Variants in MAP3K9 observed in about 807,000 individuals in gnomAD.
MAP3K9 encodes mitogen-activated protein kinase kinase kinase 9.
MAP3K9 carries 46 observed loss-of-function variants against 95.8 expected under a neutral mutation model. The ratio of observed to expected loss-of-function variants is 0.48; its 90% confidence interval spans 0.38 to 0.61. The LOEUF is 0.61. Among genes scored for constraint, MAP3K9 ranks in the 20% least tolerant of loss-of-function variants. The probability of loss-of-function intolerance (pLI) is 0.00; values close to 1 mark genes in which losing one functional copy is unlikely to be tolerated. For missense variants in MAP3K9, 1,296 were observed against 1,474.3 expected, an observed-to-expected ratio of 0.88 and a Z score of 1.98; for synonymous variants, 533 against 593.8, an observed-to-expected ratio of 0.90 and a Z score of 1.49.
intron 2 of MAP3K9, among the ~76,000 whole-genome samples, chr14:70,786,441 A>C (rs550799146): frequency 6.6e-6 from 1 of 152,156 alleles, no homozygotes; most frequent in South Asian, 2.1e-4. Context: ...TTTCTTCCTA[A>C]AAATTGTACC....
At chr14:70,740,503 A>C (rs1355058631) in intron 6 of MAP3K9, among the ~76,000 whole-genome samples, 1 of 152,248 alleles carries the variant, frequency 6.6e-6, no homozygotes, top group African/African-American at 2.4e-5. Flanking sequence ...AATTTAACTT[A>C]AAATTATTGG....
intron 1 of MAP3K9, among the ~76,000 whole-genome samples, chr14:70,803,794 T>C (rs2054960329): frequency 6.6e-6 from 1 of 152,216 alleles, no homozygotes; most frequent in Admixed American, 6.5e-5. Flanking sequence ...GGCAGAACAT[T>C]GTAGACTAGC....
intron 3 of MAP3K9, among the ~76,000 whole-genome samples, chr14:70,757,280 T>C (rs1415940520): frequency 6.6e-6 from 1 of 152,016 alleles, no homozygotes; most frequent in African/African-American, 2.4e-5. Context: ...AAGACTAGCC[T>C]GGGCAACATG....
intron 4 of MAP3K9, 118 bp downstream of exon 4, chr14:70,749,815 G>A: frequency 7.9e-7 from 1 of 1,258,092 alleles, no homozygotes; most frequent in East Asian, 2.3e-5. Flanking sequence ...TTCCTCCTTA[G>A]GTGACTGAAA....
rs760285196 is a variant in MAP3K9, at chr14:70,732,710, G to T, written c.2659C>A (p.Arg887Ser). Residue 887 changes from arginine (R) to serine (S), a missense_variant, in exon 11 of 12, where the codon CGC becomes AGC. Arg to Ser is a moderately radical substitution (Grantham distance 110, BLOSUM62 -1). This residue lies in a region of MAP3K9 where 433 missense variants were observed against 441.4 expected (regional missense o/e 0.98). Coordinates refer to ENST00000554752, the MANE Select transcript of MAP3K9 (RefSeq NM_001284230.2). ...GATTGGTTAGGATCTCGTTTGAAGC[G>T]CTCTACTCGGACATTGACCAGGGGG... The part of the protein sequence containing the change: ...HNPLVNVRVE[R>S]FKRDPNQSLT... 1.1e-5 allele frequency: 17 copies of T among 1,601,548 alleles called. No homozygotes were observed. The highest frequency in any genetic ancestry group is 1.3e-5 in the African/African-American group (1 of 74,678).
rs573716909 is a variant in MAP3K9, at chr14:70,807,523, T to C, written c.406+1243A>G. On this transcript the variant is annotated intron_variant, in intron 1 of 11. Transcript: ENST00000554752. Reference sequence around the variant, plus strand: ...AAACTCAAGATTAAAGTAACACAATTGCTGGGGTAAAAAATAACTTACAGA... The same window carrying C: ...AAACTCAAGATTAAAGTAACACAATCGCTGGGGTAAAAAATAACTTACAGA... Among the ~76,000 whole-genome samples, 7 of 152,204 alleles carry C rather than the reference T, an allele frequency of 4.6e-5. No homozygotes were observed. In the South Asian group the frequency reaches 1.5e-3, roughly 32 times the overall value.
intron 5 of MAP3K9, 114 bp from the exon 6 acceptor site, chr14:70,742,705 A>T (rs892672480): frequency 7.3e-6 from 9 of 1,232,904 alleles, no homozygotes; most frequent in Non-Finnish European, 1.0e-5. Flanking sequence ...GAGCTCTCCT[A>T]TGATGCTCAG....
At position 70,748,859 on chromosome 14, in the gene MAP3K9, C is replaced by T; in HGVS notation, c.1296G>A (p.Glu432=). The T allele has an allele frequency of 6.2e-7, 1 of 1,613,516 alleles. No individual in the cohort carries two copies. The highest frequency in any genetic ancestry group is 1.1e-5 in the South Asian group (1 of 90,944). ...LQDNWKHEIQ[E]MFDQLRAKEK... ...CTTTGGCCCTGAGTTGGTCAAACATCTCCTGAATCTCGTGTTTCCAGTTGT... is the reference window on the plus strand; with the variant it reads ...CTTTGGCCCTGAGTTGGTCAAACATTTCCTGAATCTCGTGTTTCCAGTTGT... Residue 432 remains glutamate (E), a synonymous_variant, in exon 5 of 12, where the codon GAG becomes GAA. Coordinates refer to ENST00000554752, the MANE Select transcript of MAP3K9 (RefSeq NM_001284230.2).
chr14:70,754,813 T>A (rs2054276400), intron 3 of MAP3K9, among the ~76,000 whole-genome samples: 1 of 152,044 alleles, frequency 6.6e-6, no homozygotes, highest in Non-Finnish European at 1.5e-5. Flanking sequence ...AGACAATGCC[T>A]CCACCTCATC....
At chr14:70,778,826 A>G (rs146635416) in intron 2 of MAP3K9, among the ~76,000 whole-genome samples, 1,825 of 152,296 alleles carry the variant, frequency 0.012, 47 homozygotes, top group African/African-American at 0.042. Flanking sequence ...AGAAAGTGGT[A>G]AAGTGGGGAC....
At chr14:70,754,769 C>A (rs2054275749) in intron 3 of MAP3K9, among the ~76,000 whole-genome samples, 1 of 152,168 alleles carries the variant, frequency 6.6e-6, no homozygotes, top group Non-Finnish European at 1.5e-5. Context: ...CCGTGCCCAG[C>A]CACTATTGTA....
In MAP3K9 at chr14:70,750,201, CAG is replaced by C. The variant is rs2054205845; in HGVS notation, c.1002-122_1002-121del. ...CCAACAGATAGTGAGACTAATGAAA[CAG>C]AAATACTAATGTGATATAAAAGGGA... On this transcript the variant is annotated intron_variant, in intron 3 of 11. Transcript: ENST00000554752. 3.3e-6 allele frequency: 3 copies of C among 907,766 alleles called. No homozygotes were observed. In the African/African-American group the frequency reaches 5.0e-5, roughly 15 times the overall value. 56.2% of individuals were successfully genotyped at this position (907,766 alleles called of 1,614,324 possible).
intron 2 of MAP3K9, among the ~76,000 whole-genome samples, chr14:70,773,798 G>A (rs1486523710): frequency 1.3e-5 from 2 of 152,198 alleles, no homozygotes; most frequent in Non-Finnish European, 2.9e-5. Flanking sequence ...AAGGCTCATG[G>A]AACAGAGATG....
intron 2 of MAP3K9, among the ~76,000 whole-genome samples, chr14:70,776,166 G>T (rs2054595740): frequency 6.6e-6 from 1 of 152,140 alleles, no homozygotes; most frequent in Admixed American, 6.6e-5. Context: ...TCCAGCCTGG[G>T]CGACAGAGCG....
chr14:70,777,765 T>A (rs1446258199), intron 2 of MAP3K9, among the ~76,000 whole-genome samples: 1 of 152,190 alleles, frequency 6.6e-6, no homozygotes, highest in Non-Finnish European at 1.5e-5. Flanking sequence ...GTCCACCTAG[T>A]TCTCTGCGAA....
In MAP3K9 at chr14:70,761,112, C is replaced by A. The variant is rs1445488281; in HGVS notation, c.891G>T (p.Leu297=). The A allele has an allele frequency of 6.2e-7, 1 of 1,614,184 alleles. No homozygotes were observed. The highest frequency in any genetic ancestry group is 8.5e-7 in the Non-Finnish European group (1 of 1,180,030). The change falls in exon 3 of 12, where the codon CTG becomes CTT. Residue 297 remains leucine (L), a synonymous_variant. Coordinates refer to ENST00000554752, the MANE Select transcript of MAP3K9 (RefSeq NM_001284230.2). ...NKILKITDFG[L]AREWHRTTKM... ...TGGTGGTTCGGTGCCATTCCCGAGC[C>A]AGGCCAAAATCAGTGATCTTCAGAA...
intron 2 of MAP3K9, among the ~76,000 whole-genome samples, chr14:70,765,698 A>C (rs1036968605): frequency 4.7e-5 from 7 of 150,332 alleles, no homozygotes; most frequent in African/African-American, 1.2e-4. Context: ...ATTGGAAGAA[A>C]TGTCTTGGGC....
At chr14:70,734,633 T>C (rs570077489) in intron 9 of MAP3K9, 135 bp from the exon 10 acceptor site, 2 of 621,344 alleles carry the variant, frequency 3.2e-6, no homozygotes, top group Non-Finnish European at 5.8e-6. Context: ...ATACAGGCAA[T>C]GACTCTTACC....
intron 2 of MAP3K9, among the ~76,000 whole-genome samples, chr14:70,779,156 A>G (rs2054640924): frequency 6.6e-6 from 1 of 152,230 alleles, no homozygotes; most frequent in South Asian, 2.1e-4. Context: ...GAAAGGGAGA[A>G]GAAGGAGCCG....
Sources: gnomAD v4.1 joint callset for allele counts (sites outside exome capture counted in the v4.1 genomes callset) on GRCh38, gnomAD v4.1.1 for gene constraint, gnomAD v4.1.1 regional missense constraint, MANE v1.5 for transcripts, NCBI Gene and HGNC (gene_info 2026-07-23, HGNC 2026-07-21) for gene names.